Variants in HM13 observed in about 807,000 individuals in gnomAD.
The protein encoded by HM13 is histocompatibility minor 13.
Under a neutral mutation model 50.0 loss-of-function variants are expected in HM13, and 18 were observed. The observed-to-expected ratio is 0.36, with a 90% CI of 0.25 to 0.53. The LOEUF (loss-of-function observed/expected upper bound fraction) is 0.53. Among genes scored for constraint, HM13 ranks in the 20% least tolerant of loss-of-function variants. The pLI, the probability that HM13 is intolerant of heterozygous loss-of-function variation, is 0.90. For missense variants in HM13, 393 were observed against 552.4 expected, an observed-to-expected ratio of 0.71 and a Z score of 2.89; for synonymous variants, 197 against 232.6, an observed-to-expected ratio of 0.85 and a Z score of 1.39.
At position 31,554,928 on chromosome 20, in the gene HM13, A is replaced by G. The variant is rs2122639969; in HGVS notation, c.808+99A>G. The G allele has an allele frequency of 3.8e-6, 4 of 1,039,386 alleles. No homozygotes were observed. In the East Asian group the frequency reaches 7.3e-5, roughly 19 times the overall value. 64.4% of individuals were successfully genotyped at this position (1,039,386 alleles called of 1,614,324 possible). ...AACAGACAGGCTTACCAGCTGAGAA[A>G]GAGAAAAGGTAAGGCTGGATCAGGC... On this transcript the variant is annotated intron_variant, in intron 8 of 12. Coordinates refer to ENST00000398174, the MANE Select transcript of HM13 (RefSeq NM_178581.3).
chr20:31,551,834 A>G (rs1454044583), intron 7 of HM13, among the ~76,000 whole-genome samples: 1 of 152,180 alleles, frequency 6.6e-6, no homozygotes, highest in Admixed American at 6.5e-5. Context: ...TGCGTTGAGG[A>G]GAGCTTCATG....
intron 7 of HM13, 119 bp downstream of exon 7, chr20:31,550,240 G>C: frequency 1.3e-6 from 1 of 763,304 alleles, no homozygotes; most frequent in Non-Finnish European, 2.3e-6. Flanking sequence ...TTCCTCCTGT[G>C]GCTCCCCAGC....
At chr20:31,547,930 C>G (rs188678122) in intron 4 of HM13, 2 of 1,279,986 alleles carry the variant, frequency 1.6e-6, no homozygotes, top group South Asian at 2.4e-5. Flanking sequence ...ACAGCATGCT[C>G]TGTGTGTTGG....
At chr20:31,568,008 A>C in intron 11 of HM13, 70 bp from the exon 12 acceptor site, 2 of 1,335,238 alleles carry the variant, frequency 1.5e-6, no homozygotes, top group South Asian at 2.9e-5. Context: ...TTGGAAAGGA[A>C]GTCTCTGTCC....
chr20:31,548,266 G>A (rs914240091), intron 4 of HM13: 18 of 495,534 alleles, frequency 3.6e-5, no homozygotes, highest in African/African-American at 3.5e-4. Flanking sequence ...ACTCTGGAAT[G>A]TGAAAGGAGT....
At chr20:31,526,118 G>T (rs1342069346) in intron 1 of HM13, among the ~76,000 whole-genome samples, 1 of 151,658 alleles carries the variant, frequency 6.6e-6, no homozygotes, top group African/African-American at 2.4e-5. Context: ...GAGCTCATGA[G>T]ACTCCATCTC....
At chr20:31,518,668 T>C (rs572955965) in intron 1 of HM13, among the ~76,000 whole-genome samples, 33 of 151,744 alleles carry the variant, frequency 2.2e-4, no homozygotes, top group East Asian at 1.6e-3. Flanking sequence ...AATAATAATA[T>C]GTTTCATTAT....
chr20:31,538,975 C>A, intron 3 of HM13: 1 of 688,378 alleles, frequency 1.5e-6, no homozygotes, highest in Non-Finnish European at 1.8e-6. Context: ...AAACTGAAGC[C>A]CAGAGAGGTT....
Position 31,514,659 on chromosome 20 carries a change from C to A in HM13, c.108C>A (p.Tyr36Ter), listed in dbSNP as rs377405908. 6.4e-7 allele frequency: 1 copy of A among 1,566,204 alleles called. No homozygotes were observed. Among genetic ancestry groups the A allele is most frequent in the Non-Finnish European group, 8.6e-7 (1 of 1,156,524 alleles). The change falls in exon 1 of 13, where the codon TAC (tyrosine) becomes TAA (stop). Residue 36 changes from tyrosine (Y) to a stop codon, truncating the protein, a stop_gained. Transcript: ENST00000398174. LOFTEE classifies it high-confidence loss of function. The surrounding 1 kb of genome is among the most constrained non-coding windows in gnomAD (Gnocchi z 4.3). ...PSTPEGIALAYGSLLLMALLP... is the reference protein window; with the variant it reads ...PSTPEGIALA The stretch of plus-strand genomic sequence containing the variant: ...CGCCCGAGGGCATCGCGCTGGCCTA[C>A]GGCAGCCTCCTGCTCATGGCGCTGC...
intron 4 of HM13, chr20:31,547,645 G>T: frequency 6.4e-7 from 1 of 1,573,836 alleles, no homozygotes; most frequent in Non-Finnish European, 8.6e-7. Flanking sequence ...GCCTAAGAAA[G>T]ATCCTGTCAA....
At chr20:31,563,254 G>C (rs995762148) in intron 10 of HM13, 4 of 152,540 alleles carry the variant, frequency 2.6e-5, no homozygotes, top group African/African-American at 9.6e-5. Context: ...GTACCTCTCT[G>C]AAAATCCTTG....
At chr20:31,567,896 G>A (rs1017205997) in intron 11 of HM13, 182 bp from the exon 12 acceptor site, 2 of 588,406 alleles carry the variant, frequency 3.4e-6, no homozygotes, top group South Asian at 2.5e-5. Context: ...CTTTGTCTAG[G>A]TGCATCTTTC....
intron 2 of HM13, among the ~76,000 whole-genome samples, chr20:31,537,824 G>A (rs529206287): frequency 1.3e-4 from 20 of 152,310 alleles, no homozygotes; most frequent in South Asian, 2.1e-4. Context: ...GTGGAAGAGC[G>A]AGTTCTGAGG....
intron 1 of HM13, among the ~76,000 whole-genome samples, chr20:31,517,069 G>T (rs947142643): frequency 1.3e-5 from 2 of 152,144 alleles, no homozygotes; most frequent in African/African-American, 4.8e-5. Context: ...GGAAAGGACA[G>T]GGCAAATGAC....
rs774562081 is a variant in HM13, at chr20:31,514,569, C to A, written c.18C>A (p.Ser6Arg). MDSAL[S>R]DPHNGSAEAG... ...CCCTCGCCATGGACTCGGCCCTCAG[C>A]GATCCGCATAACGGCAGTGCCGAGG... The change falls in exon 1 of 13, where the codon AGC (serine) becomes AGA (arginine). Residue 6 changes from serine (S) to arginine (R), a missense_variant. Transcript: ENST00000398174. The surrounding 1 kb of genome is among the most constrained non-coding windows in gnomAD (Gnocchi z 4.3). The A allele has an allele frequency of 6.2e-7, 1 of 1,606,646 alleles. No individual in the cohort carries two copies. Among genetic ancestry groups the A allele is most frequent in the Non-Finnish European group, 8.5e-7 (1 of 1,178,120 alleles).
chr20:31,564,331 C>T (rs547609990), intron 10 of HM13, among the ~76,000 whole-genome samples: 5 of 152,186 alleles, frequency 3.3e-5, no homozygotes, highest in South Asian at 4.1e-4. Flanking sequence ...AATCCCAGCA[C>T]GTTGGGAGGC....
chr20:31,552,325 T>G (rs1188692716), intron 7 of HM13, among the ~76,000 whole-genome samples: 4 of 152,094 alleles, frequency 2.6e-5, no homozygotes, highest in Admixed American at 2.0e-4. Context: ...TGGAGGGGCC[T>G]GGGAGCAGAG....
intron 2 of HM13, among the ~76,000 whole-genome samples, chr20:31,529,495 T>A (rs1256429323): frequency 6.6e-6 from 1 of 152,212 alleles, no homozygotes; most frequent in Non-Finnish European, 1.5e-5. Flanking sequence ...TCCACCCTCC[T>A]TGGCCTTGTA....
At chr20:31,567,829 C>T in intron 11 of HM13, 1 of 457,214 alleles carries the variant, frequency 2.2e-6, no homozygotes, top group East Asian at 3.8e-5. Flanking sequence ...GGTGTTTCCA[C>T]AGCAGCACAT....
Sources: gnomAD v4.1 joint callset for allele counts (sites outside exome capture counted in the v4.1 genomes callset) on GRCh38, gnomAD v4.1.1 for gene constraint, Gnocchi (gnomAD v3.1) non-coding constraint, MANE v1.5 for transcripts, NCBI Gene and HGNC (gene_info 2026-07-23, HGNC 2026-07-21) for gene names.